Variants in CFDP1 observed in about 807,000 individuals in gnomAD.
CFDP1 encodes the protein heterochromatin-stabilizing protein CFDP1.
In CFDP1, 31 loss-of-function variants were observed where a neutral mutation model predicts 40.1. The ratio of observed to expected loss-of-function variants is 0.77; its 90% CI spans 0.58 to 1.04. The LOEUF is 1.04. CFDP1 is among the 50% of genes least tolerant of loss of function. The pLI is 0.00. For synonymous variants in CFDP1, 167 were observed against 120.0 expected (o/e 1.39, Z -2.56); for missense variants, 423 against 343.4 (o/e 1.23, Z -1.83).
At chr16:75,424,690 G>C (rs2151600527) in intron 1 of CFDP1, among the ~76,000 whole-genome samples, 1 of 150,262 alleles carries the variant, frequency 6.7e-6, no homozygotes, top group South Asian at 2.1e-4. Context: ...GGAGGCAGAG[G>C]TCACAGTGAC....
intron 5 of CFDP1, among the ~76,000 whole-genome samples, chr16:75,372,811 C>T (rs533665206): frequency 2.0e-5 from 3 of 152,234 alleles, no homozygotes; most frequent in South Asian, 4.1e-4. Context: ...AAATACATAC[C>T]CTTTAAATGT....
chr16:75,337,460 T>TCTCC (rs2151518613), intron 5 of CFDP1, among the ~76,000 whole-genome samples: 1 of 152,228 alleles, frequency 6.6e-6, no homozygotes, highest in South Asian at 2.1e-4. Flanking sequence ...ACAACTAACC[T>TCTCC]CTCCAGTCAC....
chr16:75,381,663 T>C (rs2078853334), intron 5 of CFDP1, among the ~76,000 whole-genome samples: 1 of 152,158 alleles, frequency 6.6e-6, no homozygotes, highest in African/African-American at 2.4e-5. Flanking sequence ...GAATTTCACA[T>C]GTTGGTTTCT....
intron 1 of CFDP1, among the ~76,000 whole-genome samples, chr16:75,424,739 G>C (rs1008014506): frequency 7.3e-6 from 1 of 136,812 alleles, no homozygotes; most frequent in African/African-American, 2.8e-5. Context: ...CTGGGCAACA[G>C]AGGGAGACTC....
intron 5 of CFDP1, among the ~76,000 whole-genome samples, chr16:75,369,465 G>A (rs1265541765): frequency 6.6e-6 from 1 of 152,034 alleles, no homozygotes; most frequent in Non-Finnish European, 1.5e-5. Context: ...CTAGCTAGAT[G>A]CAGGCTTCTG....
chr16:75,329,613 G>T (rs1171320027), intron 5 of CFDP1, among the ~76,000 whole-genome samples: 1 of 152,076 alleles, frequency 6.6e-6, no homozygotes, highest in Admixed American at 6.6e-5. Flanking sequence ...CTGCCTCATT[G>T]GCTTTCCTAA....
chr16:75,394,200 G>A lies in CFDP1; in HGVS notation c.650+890C>T, dbSNP rs577008927. 5.3e-5 allele frequency among the ~76,000 whole-genome samples: 8 copies of A among 152,302 alleles called. No homozygotes were observed. The South Asian group carries it at 1.2e-3, about 24-fold the overall frequency. ...CAGAACTCCCCACAGGAGTCAGGTG[G>A]GTAGTCAGGGCTATCCATGGTATGG... On this transcript the variant is annotated intron_variant, in intron 5 of 6. Coordinates refer to ENST00000283882, the MANE Select transcript of CFDP1 (RefSeq NM_006324.3).
chr16:75,304,060 TTCTC>T lies in CFDP1; in HGVS notation c.809+960_809+963del, dbSNP rs3043650. The stretch of plus-strand genomic sequence containing the variant: ...CACCTTTTCTTTCTTTTCTTTTCCT[TTCTC>T]TCTCTCTCTCTCTTTCTTTCTTGAT... On this transcript the variant is annotated intron_variant, in intron 6 of 6. Coordinates refer to ENST00000283882, the MANE Select transcript of CFDP1 (RefSeq NM_006324.3). 8.2e-4 allele frequency among the ~76,000 whole-genome samples: 124 copies of T among 151,148 alleles called. 2 individuals carry two copies. Among genetic ancestry groups the T allele is most frequent in the Non-Finnish European group, 1.3e-3 (87 of 67,824 alleles).
At chr16:75,418,479 T>C (rs1317404357) in intron 1 of CFDP1, among the ~76,000 whole-genome samples, 1 of 151,698 alleles carries the variant, frequency 6.6e-6, no homozygotes, top group Non-Finnish European at 1.5e-5. Flanking sequence ...GGCTAATTTT[T>C]TTTGTATTTT....
chr16:75,312,470 C>CT (rs570661874), intron 5 of CFDP1, among the ~76,000 whole-genome samples: 3 of 151,896 alleles, frequency 2.0e-5, no homozygotes, highest in Non-Finnish European at 4.4e-5. Flanking sequence ...ACAGCTTTAC[C>CT]TTTTTTTTAT....
intron 5 of CFDP1, among the ~76,000 whole-genome samples, chr16:75,327,173 A>G (rs1436939504): frequency 6.6e-6 from 1 of 152,188 alleles, no homozygotes; most frequent in East Asian, 1.9e-4. Flanking sequence ...AGGCTGAGGC[A>G]GGAGAATAGC....
At chr16:75,373,399 T>C (rs1209276971) in intron 5 of CFDP1, among the ~76,000 whole-genome samples, 1 of 152,216 alleles carries the variant, frequency 6.6e-6, no homozygotes, top group South Asian at 2.1e-4. Flanking sequence ...AAAGGTTGTT[T>C]TGTACTAAAA....
At chr16:75,336,613 T>C (rs952325760) in intron 5 of CFDP1, among the ~76,000 whole-genome samples, 1 of 152,230 alleles carries the variant, frequency 6.6e-6, no homozygotes, top group Non-Finnish European at 1.5e-5. Flanking sequence ...TTATCTACCA[T>C]GTATTTCAGG....
intron 4 of CFDP1, 90 bp from the exon 5 acceptor site, chr16:75,395,299 T>C: frequency 1.5e-6 from 2 of 1,332,758 alleles, no homozygotes; most frequent in Non-Finnish European, 1.0e-6. Flanking sequence ...TAGAAAAAGA[T>C]CCACTCGGCT....
At chr16:75,422,396 CTTTTTTTT>C (rs765465924) in intron 1 of CFDP1, among the ~76,000 whole-genome samples, 2 of 129,486 alleles carry the variant, frequency 1.5e-5, no homozygotes, top group African/African-American at 6.2e-5. Flanking sequence ...CGTATGGCCT[CTTTTTTTT>C]TTTTTTTTTT....
In CFDP1 at chr16:75,293,770, T is replaced by C; in HGVS notation, c.*182A>G. 1.7e-6 allele frequency: 1 copy of C among 584,236 alleles called. No individual in the cohort carries two copies. Among genetic ancestry groups the C allele is most frequent in the Non-Finnish European group, 3.0e-6 (1 of 331,862 alleles). The allele number at this position is 584,236 out of a possible 1,614,324, so 36.2% of individuals were successfully genotyped here. ...TTTTATTTATTCATTTAAGGACAAA[T>C]TTTTAAAAGTAAAGTGAATGAAACC... On this transcript the variant is annotated 3_prime_UTR_variant, in exon 7 of 7. Coordinates refer to ENST00000283882, the MANE Select transcript of CFDP1 (RefSeq NM_006324.3).
intron 1 of CFDP1, among the ~76,000 whole-genome samples, chr16:75,430,725 A>G (rs1290902363): frequency 6.6e-6 from 1 of 152,140 alleles, no homozygotes; most frequent in Non-Finnish European, 1.5e-5. Context: ...CTGCCTCCCT[A>G]AGTGATAGGA....
At chr16:75,328,521 C>T (rs1336210340) in intron 5 of CFDP1, among the ~76,000 whole-genome samples, 3 of 144,818 alleles carry the variant, frequency 2.1e-5, no homozygotes, top group African/African-American at 5.1e-5. Flanking sequence ...ATCGCTTGAA[C>T]CCGGGAGGCG....
intron 5 of CFDP1, among the ~76,000 whole-genome samples, chr16:75,330,214 A>G (rs772647605): frequency 7.2e-5 from 11 of 152,202 alleles, no homozygotes; most frequent in Non-Finnish European, 1.3e-4. Flanking sequence ...GCTTGGAGAT[A>G]AACTGAAATG....
Sources: allele counts gnomAD v4.1 joint callset (sites outside exome capture counted in the v4.1 genomes callset), GRCh38; gene constraint gnomAD v4.1.1; transcripts MANE v1.5; gene names NCBI Gene and HGNC (gene_info 2026-07-23, HGNC 2026-07-21).